Variants in IFNAR1 observed in about 807,000 individuals in gnomAD.
The protein encoded by IFNAR1 is interferon alpha and beta receptor subunit 1.
In IFNAR1, 47 loss-of-function variants were observed where a neutral mutation model predicts 62.1. The ratio of observed to expected loss-of-function variants is 0.76; its 90% CI spans 0.60 to 0.97. The LOEUF is 0.97. IFNAR1 is among the 50% of genes least tolerant of loss of function. The pLI is 0.00. For missense variants in IFNAR1, 638 were observed against 654.5 expected (o/e 0.97, Z 0.27); for synonymous variants, 219 against 226.9 (o/e 0.97, Z 0.31).
intron 1 of IFNAR1, among the ~76,000 whole-genome samples, chr21:33,331,010 G>A (rs2083173783): frequency 6.6e-6 from 1 of 152,166 alleles, no homozygotes; most frequent in Non-Finnish European, 1.5e-5. Flanking sequence ...CTCCACCTTG[G>A]AACTGGAACT....
At chr21:33,328,277 A>G (rs1330433850) in intron 1 of IFNAR1, among the ~76,000 whole-genome samples, 1 of 152,190 alleles carries the variant, frequency 6.6e-6, no homozygotes, top group Non-Finnish European at 1.5e-5. Context: ...CAGAGAGAAT[A>G]GATTGTAACT....
intron 2 of IFNAR1, 91 bp downstream of exon 2, chr21:33,335,738 T>G: frequency 8.9e-7 from 1 of 1,125,402 alleles, no homozygotes; most frequent in Non-Finnish European, 1.2e-6. Context: ...GGAAAGTGTT[T>G]GGTTTTTCTA....
At chr21:33,343,015 T>G (rs1229252543) in intron 3 of IFNAR1, among the ~76,000 whole-genome samples, 1 of 152,222 alleles carries the variant, frequency 6.6e-6, no homozygotes, top group Non-Finnish European at 1.5e-5. Context: ...TGCTCTTTCC[T>G]GGTTCTCCTC....
At position 33,341,136 on chromosome 21, in the gene IFNAR1, C is replaced by T. The variant is rs1461005346; in HGVS notation, c.338C>T (p.Ser113Leu). 1.9e-6 allele frequency: 3 copies of T among 1,613,258 alleles called. No individual in the cohort carries two copies. The highest frequency in any genetic ancestry group is 1.3e-5 in the African/African-American group (1 of 74,900). ...RIRAEKENTSSWYEVDSFTPF... is the reference protein window; with the variant it reads ...RIRAEKENTSLWYEVDSFTPF... ...AGAGCAGAAAAAGAAAACACTTCTT[C>T]ATGGTATGAGGTTGACTCATTTACA... The change falls in exon 3 of 11, where the codon TCA (serine) becomes TTA (leucine). Residue 113 changes from serine to leucine, a missense_variant. Ser to Leu is a moderately radical substitution (Grantham distance 145). Transcript: ENST00000270139.
In IFNAR1 at chr21:33,358,976, C is replaced by T. The variant is rs1381951742; in HGVS notation, c.*3427C>T. 1 of 152,142 alleles carries T rather than the reference C, an allele frequency of 6.6e-6. No individual in the cohort carries two copies. Among genetic ancestry groups the T allele is most frequent in the Non-Finnish European group, 1.5e-5 (1 of 68,034 alleles). The allele number at this position is 152,142 out of a possible 1,614,324, so 9.4% of individuals were successfully genotyped here. ...CTTTCCCTACCCAGTAACCATGTGA[C>T]TACTAACGTGGTATATTGATTTATT... On this transcript the variant is annotated 3_prime_UTR_variant, in exon 11 of 11. Coordinates refer to ENST00000270139, the MANE Select transcript of IFNAR1 (RefSeq NM_000629.3).
In IFNAR1 at chr21:33,358,428, G is replaced by A. The variant is rs754808718; in HGVS notation, c.*2879G>A. On this transcript the variant is annotated 3_prime_UTR_variant, in exon 11 of 11. Transcript: ENST00000270139. The stretch of plus-strand genomic sequence containing the variant: ...ATCTAAGAATTTATATGAAAGATTT[G>A]TATCATTAGAGCCAGAAATAATTTT... The A allele has an allele frequency of 1.3e-5, 2 of 151,950 alleles. No individual in the cohort carries two copies. The highest frequency in any genetic ancestry group is 2.4e-5 in the African/African-American group (1 of 41,384). The allele number at this position is 151,950 out of a possible 1,614,324, so 9.4% of individuals were successfully genotyped here.
In IFNAR1 at chr21:33,356,647, G is replaced by A. The variant is rs1474399028; in HGVS notation, c.*1098G>A. ...GAAAATAGGTAACTATCTAATTAGA[G>A]AAATAATTGTTGTATTTTAAGATCT... On this transcript the variant is annotated 3_prime_UTR_variant, in exon 11 of 11. Transcript: ENST00000270139. 6.6e-6 allele frequency: 1 copy of A among 152,206 alleles called. No homozygotes were observed. The highest frequency in any genetic ancestry group is 2.4e-5 in the African/African-American group (1 of 41,446). 9.4% of individuals were successfully genotyped at this position (152,206 alleles called of 1,614,324 possible). A position where few individuals can be genotyped will look rare whatever the true frequency, so the allele number is the denominator to read the frequency against.
At chr21:33,352,606 A>AAAAC (rs1568933288) in intron 8 of IFNAR1, 152 bp from the exon 9 acceptor site, 5,128 of 489,948 alleles carry the variant, frequency 0.01, 225 homozygotes, top group African/African-American at 0.09. Flanking sequence ...GTCTCACAAA[A>AAAAC]AAAACAAAAC....
At position 33,355,301 on chromosome 21, in the gene IFNAR1, C is replaced by CT; in HGVS notation, c.1441-8dup. 6 of 1,271,062 alleles carry CT rather than the reference C, an allele frequency of 4.7e-6. No individual in the cohort carries two copies. Among genetic ancestry groups the CT allele is most frequent in the Non-Finnish European group, 6.6e-6 (6 of 910,424 alleles). 78.7% of individuals were successfully genotyped at this position (1,271,062 alleles called of 1,614,324 possible). A position where few individuals can be genotyped will look rare whatever the true frequency, so the allele number is the denominator to read the frequency against. On this transcript the variant is annotated splice_polypyrimidine_tract_variant and intron_variant, in intron 10 of 10. Coordinates refer to ENST00000270139, the MANE Select transcript of IFNAR1 (RefSeq NM_000629.3). ...TAAATAATTGATTTCTACTCTTTCC[C>CT]TTTTTTTAAATTAGTATTTCTCTGA...
At chr21:33,341,622 A>C (rs2083293069) in intron 3 of IFNAR1, among the ~76,000 whole-genome samples, 1 of 152,186 alleles carries the variant, frequency 6.6e-6, no homozygotes, top group Non-Finnish European at 1.5e-5. Context: ...ACCACTCTGA[A>C]GTTTCTATGT....
At chr21:33,334,927 G>T (rs1481105814) in intron 1 of IFNAR1, 2 of 1,574,786 alleles carry the variant, frequency 1.3e-6, no homozygotes, top group East Asian at 4.5e-5. Flanking sequence ...GGGAGATGGG[G>T]CAGGGGGTAC....
At chr21:33,335,945 T>A (rs2083230288) in intron 2 of IFNAR1, among the ~76,000 whole-genome samples, 1 of 150,680 alleles carries the variant, frequency 6.6e-6, no homozygotes, top group African/African-American at 2.4e-5. Flanking sequence ...TATTATACTT[T>A]AAGTTTTAGG....
Position 33,330,238 on chromosome 21 carries a change from A to G in IFNAR1, c.76+5107A>G, listed in dbSNP as rs554720809. On this transcript the variant is annotated intron_variant, in intron 1 of 10. Coordinates refer to ENST00000270139, the MANE Select transcript of IFNAR1 (RefSeq NM_000629.3). ...TTGGTCATTGCTCCTTCTCGTCACA[A>G]AAGCGCAAAGAGATGGGCGGTTGTT... 3.3e-4 allele frequency among the ~76,000 whole-genome samples: 50 copies of G among 152,298 alleles called. 2 individuals are homozygous for G. In the South Asian group the frequency reaches 7.5e-3, roughly 23 times the overall value.
At chr21:33,353,854 A>G (rs1222279141) in intron 10 of IFNAR1, 71 bp downstream of exon 10, 8 of 1,030,438 alleles carry the variant, frequency 7.8e-6, no homozygotes, top group East Asian at 2.6e-5. Context: ...TTTCAACAGG[A>G]TATATGTAGG....
chr21:33,338,103 A>G (rs546516789), intron 2 of IFNAR1, among the ~76,000 whole-genome samples: 25 of 152,338 alleles, frequency 1.6e-4, no homozygotes, highest in African/African-American at 5.0e-4. Flanking sequence ...ATAGGAATAG[A>G]TATTTTTCAA....
At chr21:33,335,281 A>G (rs1481824936) in intron 1 of IFNAR1, among the ~76,000 whole-genome samples, 1 of 152,204 alleles carries the variant, frequency 6.6e-6, no homozygotes, top group Non-Finnish European at 1.5e-5. Context: ...TTTTTTAATT[A>G]AAAGACAACT....
intron 8 of IFNAR1, among the ~76,000 whole-genome samples, chr21:33,352,288 T>A (rs1382192707): frequency 2.6e-5 from 4 of 152,182 alleles, no homozygotes; most frequent in Non-Finnish European, 1.5e-5. Context: ...TTTAACTTTC[T>A]GATTTGGTTA....
At position 33,335,592 on chromosome 21, in the gene IFNAR1, T is replaced by A; in HGVS notation, c.145T>A (p.Trp49Arg). Residue 49 changes from tryptophan to arginine, a missense_variant, in exon 2 of 11, where the codon TGG (tryptophan) becomes AGG (arginine). Coordinates refer to ENST00000270139, the MANE Select transcript of IFNAR1 (RefSeq NM_000629.3). Reference sequence around the variant, plus strand: ...CATAGATGACAACTTTATCCTGAGGTGGAACAGGAGCGATGAGTCTGTCGG... The same window carrying A: ...CATAGATGACAACTTTATCCTGAGGAGGAACAGGAGCGATGAGTCTGTCGG... ...DIIDDNFILR[W>R]NRSDESVGNV... 6.2e-7 allele frequency: 1 copy of A among 1,607,828 alleles called. No homozygotes were observed. The highest frequency in any genetic ancestry group is 8.5e-7 in the Non-Finnish European group (1 of 1,176,754).
At chr21:33,335,834 A>T (rs2253413) in intron 2 of IFNAR1, among the ~76,000 whole-genome samples, 187 bp downstream of exon 2, 1 of 151,566 alleles carries the variant, frequency 6.6e-6, no homozygotes, top group Non-Finnish European at 1.5e-5. Context: ...TTGGGTGTTG[A>T]AGCAAAAAAT....
Sources: allele counts gnomAD v4.1 joint callset (sites outside exome capture counted in the v4.1 genomes callset), GRCh38; gene constraint gnomAD v4.1.1; transcripts MANE v1.5; gene names NCBI Gene and HGNC (gene_info 2026-07-23, HGNC 2026-07-21).